The following ASPH variants were observed in gnomAD, a reference collection of about 807,000 sequenced individuals.
ASPH encodes aspartate beta-hydroxylase, also known as aspartyl/asparaginyl beta-hydroxylase.
A neutral mutation model predicts 118.4 loss-of-function variants in ASPH; 100 were observed. The ratio of observed to expected loss-of-function variants is 0.84; its 90% CI spans 0.72 to 1.00. The LOEUF (loss-of-function observed/expected upper bound fraction) is 1.00. Ranked by LOEUF, ASPH falls within the 50% of genes least tolerant of loss-of-function variation. The pLI is 0.00. For synonymous variants in ASPH, 315 were observed against 325.6 expected (o/e 0.97, Z 0.35); for missense variants, 920 against 919.5 (o/e 1.00, Z -0.01).
chr8:61,514,301 T>A (rs1313316111), intron 24 of ASPH, among the ~76,000 whole-genome samples: 1 of 151,902 alleles, frequency 6.6e-6, no homozygotes, highest in African/African-American at 2.4e-5. Flanking sequence ...TCCCTGCCTA[T>A]GCCTAAGTAG....
At chr8:61,607,343 G>T (rs1158074284) in intron 14 of ASPH, 1 of 697,196 alleles carries the variant, frequency 1.4e-6, no homozygotes, top group Admixed American at 2.1e-5. Flanking sequence ...AAGTGTGTCG[G>T]AATATATATA....
At chr8:61,556,788 G>A (rs536034928) in intron 18 of ASPH, among the ~76,000 whole-genome samples, 4 of 152,138 alleles carry the variant, frequency 2.6e-5, no homozygotes, top group Non-Finnish European at 5.9e-5. Flanking sequence ...GGTTTGAGTC[G>A]GTGCATGTGC....
chr8:61,615,885 T>C lies in ASPH; in HGVS notation c.976+3093A>G, dbSNP rs1377916723. Among the ~76,000 whole-genome samples the C allele has an allele frequency of 2.0e-5, 3 of 152,198 alleles. No individual in the cohort carries two copies. In the East Asian group the frequency reaches 5.8e-4, roughly 29 times the overall value. On this transcript the variant is annotated intron_variant, in intron 14 of 24. Transcript: ENST00000379454. ...TTTACTACATATTCTGGATATGTAA[T>C]GTTTACATAATGTTTCCCTTTCCCT...
At chr8:61,527,646 G>A (rs1022668040) in intron 21 of ASPH, among the ~76,000 whole-genome samples, 1 of 152,200 alleles carries the variant, frequency 6.6e-6, no homozygotes, top group Admixed American at 6.5e-5. Context: ...TGCAGATTAG[G>A]GAGATGCAGC....
intron 13 of ASPH, chr8:61,631,726 G>A (rs1439914866): frequency 6.6e-6 from 1 of 152,184 alleles, no homozygotes; most frequent in African/African-American, 2.4e-5. Flanking sequence ...AATTTTTATG[G>A]TACCAAGTTA....
chr8:61,517,575 C>G lies in ASPH; in HGVS notation c.2079G>C (p.Leu693Phe), dbSNP rs760582148. The change falls in exon 24 of 25, where the codon TTG becomes TTC. Residue 693 changes from leucine to phenylalanine, a missense_variant. Leu to Phe is a conservative substitution (Grantham distance 22). Transcript: ENST00000379454. ...TNCRLRMHLG[L>F]VIPKEGCKIR... is the part of the protein sequence containing the mutation. ...TCTTGCAGCCTTCCTTGGGAATCAC[C>G]AAGCCCAGGTGCATTCGGAGCCTGC... The G allele has an allele frequency of 1.2e-6, 2 of 1,614,126 alleles. No homozygotes were observed. Among genetic ancestry groups the G allele is most frequent in the Non-Finnish European group, 1.7e-6 (2 of 1,179,978 alleles).
intron 15 of ASPH, chr8:61,579,338 G>A: frequency 6.2e-7 from 1 of 1,614,194 alleles, no homozygotes; most frequent in South Asian, 1.1e-5. Flanking sequence ...AGCTGCGTGA[G>A]TACCAGGAGC....
At chr8:61,560,290 C>T (rs965096192) in intron 18 of ASPH, among the ~76,000 whole-genome samples, 18 of 152,138 alleles carry the variant, frequency 1.2e-4, no homozygotes, top group South Asian at 2.1e-4. Context: ...CAGGAGGGGC[C>T]GCAAAAAGCC....
chr8:61,712,857 G>A (rs904661104), intron 1 of ASPH, among the ~76,000 whole-genome samples: 5 of 152,172 alleles, frequency 3.3e-5, no homozygotes, highest in African/African-American at 1.2e-4. Flanking sequence ...ATGCTTCTCT[G>A]GCAAATAGCT....
chr8:61,576,772 C>G lies in ASPH; in HGVS notation c.1149G>C (p.Gln383His), dbSNP rs1835297830. The change falls in exon 16 of 25, where the codon CAG (glutamine) becomes CAC (histidine). Residue 383 changes from glutamine to histidine, a missense_variant and splice_region_variant. By Grantham distance (24) the Gln-to-His change is conservative (BLOSUM62 0). Transcript: ENST00000379454. Reference sequence around the variant, plus strand: ...CCTAAGGAGAAGGGTCTCAGAATACCTGCGCCTTCCCATATCTTGCTCGTG... The same window carrying G: ...CCTAAGGAGAAGGGTCTCAGAATACGTGCGCCTTCCCATATCTTGCTCGTG... ...QSPRARYGKA[Q>H]CEDDLAEKRR... The G allele has an allele frequency of 6.2e-7, 1 of 1,606,790 alleles. No individual in the cohort carries two copies. The highest frequency in any genetic ancestry group is 1.3e-5 in the African/African-American group (1 of 74,822).
chr8:61,678,851 G>A (rs1048646845), intron 3 of ASPH, among the ~76,000 whole-genome samples: 21 of 151,994 alleles, frequency 1.4e-4, no homozygotes, highest in African/African-American at 7.2e-5. Context: ...AACGTACCTT[G>A]GAAGTCTGGC....
At chr8:61,588,824 T>C (rs1248766838) in intron 14 of ASPH, among the ~76,000 whole-genome samples, 1 of 152,054 alleles carries the variant, frequency 6.6e-6, no homozygotes, top group Non-Finnish European at 1.5e-5. Flanking sequence ...TGCATGCAAA[T>C]ATTCACCACA....
chr8:61,659,914 G>A (rs953217406), intron 3 of ASPH: 1 of 150,978 alleles, frequency 6.6e-6, no homozygotes, highest in African/African-American at 2.4e-5. Context: ...TTCTTTCAAT[G>A]GTCTAAAACT....
rs187967134 is a variant in ASPH, at chr8:61,678,447, A to G, written c.322+2521T>C. ...AGAAAAATGGGCTTAGCACGCTTTC[A>G]AAGAATCAGAAGGGCCTTGGCCAGA... On this transcript the variant is annotated intron_variant, in intron 3 of 24. Coordinates refer to ENST00000379454, the MANE Select transcript of ASPH (RefSeq NM_004318.4). Among the ~76,000 whole-genome samples the G allele has an allele frequency of 1.4e-4, 21 of 152,260 alleles. No homozygotes were observed. The East Asian group carries it at 4.1e-3, about 29-fold the overall frequency.
chr8:61,651,030 G>C lies in ASPH; in HGVS notation c.490+20C>G, dbSNP rs769209065. 1.3e-6 allele frequency: 2 copies of C among 1,594,298 alleles called. No homozygotes were observed. Among genetic ancestry groups the C allele is most frequent in the Non-Finnish European group, 1.7e-6 (2 of 1,169,402 alleles). On this transcript the variant is annotated intron_variant, in intron 5 of 24. Coordinates refer to ENST00000379454, the MANE Select transcript of ASPH (RefSeq NM_004318.4). ...CGTTATTTTAGTAACTCAAAACAAA[G>C]AGCAGATTTTAATTCATACCATGTT...
chr8:61,704,620 T>C (rs1176779896), intron 1 of ASPH, among the ~76,000 whole-genome samples: 1 of 152,056 alleles, frequency 6.6e-6, no homozygotes, highest in African/African-American at 2.4e-5. Flanking sequence ...CCAGAATACA[T>C]AAAGAATTAC....
chr8:61,637,977 G>A lies in ASPH; in HGVS notation c.859C>T (p.Pro287Ser). 6.2e-7 allele frequency: 1 copy of A among 1,610,052 alleles called. No individual in the cohort carries two copies. The highest frequency in any genetic ancestry group is 8.5e-7 in the Non-Finnish European group (1 of 1,178,494). The change falls in exon 12 of 25, where the codon CCT (proline) becomes TCT (serine). Residue 287 changes from proline (P) to serine (S), a missense_variant. By Grantham distance (74) the Pro-to-Ser change is moderately conservative. Transcript: ENST00000379454. ...ACAATTACCTGTGAATCTTCTACAGGATTATCCTCAGGGGGAGCAGTTACT... is the reference window on the plus strand; with the variant it reads ...ACAATTACCTGTGAATCTTCTACAGAATTATCCTCAGGGGGAGCAGTTACT... ...TEVTAPPEDN[P>S]VEDSQVIVEE...
intron 14 of ASPH, among the ~76,000 whole-genome samples, chr8:61,615,906 T>A (rs1440345239): frequency 6.6e-6 from 1 of 152,142 alleles, no homozygotes; most frequent in Non-Finnish European, 1.5e-5. Flanking sequence ...TGTTTCCCTT[T>A]CCCTTTTCCT....
chr8:61,600,128 C>T (rs566981606), intron 14 of ASPH, among the ~76,000 whole-genome samples: 2 of 152,100 alleles, frequency 1.3e-5, no homozygotes, highest in South Asian at 2.1e-4. Context: ...AAAAATACAT[C>T]GATAGGACAA....
Sources: allele counts gnomAD v4.1 joint callset (sites outside exome capture counted in the v4.1 genomes callset), GRCh38; gene constraint gnomAD v4.1.1; transcripts MANE v1.5; gene names NCBI Gene and HGNC (gene_info 2026-07-23, HGNC 2026-07-21).